RBFOX1: variants seen among roughly 807,000 people sequenced by gnomAD.
RBFOX1 encodes RNA binding protein fox-1 homolog 1.
A neutral mutation model predicts 57.7 loss-of-function variants in RBFOX1; 8 were observed. The ratio of observed to expected loss-of-function variants is 0.14; its 90% confidence interval spans 0.08 to 0.25. RBFOX1 has a LOEUF of 0.25. Among genes scored for constraint, RBFOX1 ranks in the 10% least tolerant of loss-of-function variants. The pLI, the probability that RBFOX1 is intolerant of heterozygous loss-of-function variation, is 1.00. For synonymous variants in RBFOX1, 326 were observed against 222.4 expected (o/e 1.47, Z -4.15); for missense variants, 611 against 548.5 (o/e 1.11, Z -1.14).
chr16:7,609,706 C>G (rs2057049156), intron 10 of RBFOX1, among the ~76,000 whole-genome samples: 1 of 152,192 alleles, frequency 6.6e-6, no homozygotes, highest in Non-Finnish European at 1.5e-5. Context: ...TATTACTGCT[C>G]TGAGATTTCA....
At chr16:6,682,207 C>G (rs1348052287) in intron 3 of RBFOX1, among the ~76,000 whole-genome samples, 1 of 152,178 alleles carries the variant, frequency 6.6e-6, no homozygotes, top group East Asian at 1.9e-4. Context: ...AAAACAACAA[C>G]AGCAACGAAC....
intron 3 of RBFOX1, among the ~76,000 whole-genome samples, chr16:6,934,485 C>T (rs1037934502): frequency 2.0e-5 from 3 of 152,116 alleles, no homozygotes; most frequent in South Asian, 2.1e-4. Context: ...AACTGTCCAT[C>T]AGTGGGCTAA....
intron 3 of RBFOX1, among the ~76,000 whole-genome samples, chr16:6,969,012 T>C (rs1459202076): frequency 6.6e-6 from 1 of 152,094 alleles, no homozygotes; most frequent in Non-Finnish European, 1.5e-5. Flanking sequence ...GTCAGAATGT[T>C]AGAATCTCCC....
At chr16:7,219,517 G>A (rs140286853) in intron 4 of RBFOX1, among the ~76,000 whole-genome samples, 1 of 152,302 alleles carries the variant, frequency 6.6e-6, no homozygotes, top group Non-Finnish European at 1.5e-5. Flanking sequence ...GTGTTTAAGG[G>A]TGTAATGTGC....
chr16:5,495,684 G>A (rs147996560), intron 2 of RBFOX1, among the ~76,000 whole-genome samples: 59 of 152,316 alleles, frequency 3.9e-4, no homozygotes, highest in Non-Finnish European at 6.8e-4. Flanking sequence ...TGATATGCTC[G>A]TTAACATCGT....
intron 3 of RBFOX1, among the ~76,000 whole-genome samples, chr16:5,634,193 G>A (rs956642724): frequency 6.6e-6 from 1 of 152,172 alleles, no homozygotes. Flanking sequence ...AACATTTTGG[G>A]TATTGCAAAT....
At chr16:5,943,823 A>T (rs962245246) in intron 4 of RBFOX1, among the ~76,000 whole-genome samples, 3 of 152,066 alleles carry the variant, frequency 2.0e-5, no homozygotes, top group African/African-American at 7.2e-5. Flanking sequence ...CCACTCACCC[A>T]TCCATCGACC....
chr16:7,553,292 C>G (rs996975039), intron 5 of RBFOX1, among the ~76,000 whole-genome samples: 12 of 151,944 alleles, frequency 7.9e-5, no homozygotes, highest in Non-Finnish European at 1.6e-4. Context: ...CTACAGGTGC[C>G]CACCACCACA....
intron 3 of RBFOX1, among the ~76,000 whole-genome samples, chr16:6,829,577 T>A (rs1603629825): frequency 6.6e-6 from 1 of 151,986 alleles, no homozygotes; most frequent in African/African-American, 2.4e-5. Flanking sequence ...TGCATAATCA[T>A]GTGAGTAATA....
intron 3 of RBFOX1, among the ~76,000 whole-genome samples, chr16:6,782,475 C>T (rs1366321416): frequency 6.6e-6 from 1 of 151,704 alleles, no homozygotes; most frequent in Non-Finnish European, 1.5e-5. Flanking sequence ...TTATTGATCT[C>T]TTCATGTTTT....
intron 1 of RBFOX1, among the ~76,000 whole-genome samples, chr16:6,230,743 C>A (rs191783159): frequency 1.3e-5 from 2 of 152,202 alleles, no homozygotes; most frequent in African/African-American, 4.8e-5. Context: ...AAGAGCTGCA[C>A]ACCTGGGCTG....
At chr16:5,532,624 A>C (rs1180563508) in intron 2 of RBFOX1, among the ~76,000 whole-genome samples, 1 of 152,232 alleles carries the variant, frequency 6.6e-6, no homozygotes, top group African/African-American at 2.4e-5. Context: ...AATTGTGGCA[A>C]AGATAGAGGT....
At chr16:7,314,322 G>A (rs766138730) in intron 4 of RBFOX1, among the ~76,000 whole-genome samples, 7 of 152,144 alleles carry the variant, frequency 4.6e-5, no homozygotes, top group African/African-American at 1.4e-4. Flanking sequence ...GGGCCTGGTC[G>A]TGTTCATAAC....
At chr16:7,194,284 C>G (rs1417389074) in intron 4 of RBFOX1, among the ~76,000 whole-genome samples, 1 of 152,170 alleles carries the variant, frequency 6.6e-6, no homozygotes. Flanking sequence ...TATTTTATGG[C>G]TACCTTTTAT....
chr16:6,050,045 G>A (rs757497442), intron 1 of RBFOX1, among the ~76,000 whole-genome samples: 1 of 149,678 alleles, frequency 6.7e-6, no homozygotes, highest in Non-Finnish European at 1.5e-5. Context: ...TGCAGCCTCT[G>A]ACTCCTGGAT....
chr16:5,454,277 T>A (rs2068513609), intron 1 of RBFOX1, among the ~76,000 whole-genome samples: 1 of 152,258 alleles, frequency 6.6e-6, no homozygotes, highest in Non-Finnish European at 1.5e-5. Flanking sequence ...TATTCCAGTG[T>A]TGCATTGCTG....
intron 3 of RBFOX1, among the ~76,000 whole-genome samples, chr16:5,758,253 A>G (rs1322747147): frequency 5.3e-5 from 8 of 151,140 alleles, no homozygotes; most frequent in African/African-American, 2.0e-4. Flanking sequence ...TCATGGGGGG[A>G]AAAAGTTGAA....
At chr16:6,359,789 G>A (rs942177395) in intron 2 of RBFOX1, among the ~76,000 whole-genome samples, 2 of 151,968 alleles carry the variant, frequency 1.3e-5, no homozygotes, top group Admixed American at 6.6e-5. Flanking sequence ...CTGTGTTTGC[G>A]ACCTGGCATC....
At chr16:5,299,726 G>T (rs1205198091) in intron 1 of RBFOX1, among the ~76,000 whole-genome samples, 1 of 152,058 alleles carries the variant, frequency 6.6e-6, no homozygotes, top group African/African-American at 2.4e-5. Flanking sequence ...ATACAATCAT[G>T]CCATTTGCAA....
Sources: gnomAD v4.1 joint callset for allele counts (sites outside exome capture counted in the v4.1 genomes callset) on GRCh38, gnomAD v4.1.1 for gene constraint, MANE v1.5 for transcripts, NCBI Gene and HGNC (gene_info 2026-07-23, HGNC 2026-07-21) for gene names.